RAB30: variants seen among roughly 807,000 people sequenced by gnomAD.
RAB30 encodes the protein RAB30, member RAS oncogene family.
RAB30 carries 9 observed loss-of-function variants against 25.1 expected under a neutral mutation model. That is an observed-to-expected ratio of 0.36 (90% CI 0.22 to 0.63). The LOEUF (loss-of-function observed/expected upper bound fraction) is 0.63. RAB30 is among the 20% of genes least tolerant of loss of function. The pLI, the probability that RAB30 is intolerant of heterozygous loss-of-function variation, is 0.69. For synonymous variants in RAB30, 77 were observed against 86.4 expected, an observed-to-expected ratio of 0.89 and a Z score of 0.60; for missense variants, 140 against 243.5, an observed-to-expected ratio of 0.58 and a Z score of 2.83.
chr11:83,055,800 A>C (rs1275415747), intron 1 of RAB30, among the ~76,000 whole-genome samples: 1 of 152,238 alleles, frequency 6.6e-6, no homozygotes. Flanking sequence ...GTGACCACAC[A>C]TCCTTTGGAG....
chr11:83,071,120 A>T (rs112700232), intron 1 of RAB30, among the ~76,000 whole-genome samples: 436 of 152,328 alleles, frequency 2.9e-3, no homozygotes, highest in African/African-American at 9.5e-3. Flanking sequence ...TGCACCATTA[A>T]AGGACACTGT....
intron 3 of RAB30, among the ~76,000 whole-genome samples, chr11:82,991,506 C>CA (rs35298951): frequency 0.42 from 27,727 of 65,498 alleles, 5,608 homozygotes; most frequent in East Asian, 0.64. Context: ...GACCCTTTCT[C>CA]AAAAAAAAAA....
At chr11:83,036,594 T>C (rs1174981430) in intron 1 of RAB30, among the ~76,000 whole-genome samples, 1 of 152,196 alleles carries the variant, frequency 6.6e-6, no homozygotes, top group Non-Finnish European at 1.5e-5. Context: ...AGGATACAAC[T>C]GTTAACATAA....
At chr11:82,999,587 T>C (rs540839208) in intron 1 of RAB30, among the ~76,000 whole-genome samples, 1 of 152,358 alleles carries the variant, frequency 6.6e-6, no homozygotes, top group South Asian at 2.1e-4. Flanking sequence ...CTGCCAGCTC[T>C]GTCTCCTACC....
chr11:83,002,426 C>T lies in RAB30; in HGVS notation c.-8-5102G>A, dbSNP rs79733275. Among the ~76,000 whole-genome samples the T allele has an allele frequency of 5.9e-3, 898 of 152,190 alleles. 3 individuals carry two copies. Among genetic ancestry groups the T allele is most frequent in the Admixed American group, 0.01 (154 of 15,284 alleles). ...GGCATAGGGAATATAAACAGGAGCA[C>T]AGATGAGCAAGCAAAATCCCCAATA... On this transcript the variant is annotated intron_variant, in intron 1 of 4. Coordinates refer to ENST00000527633, the MANE Select transcript of RAB30 (RefSeq NM_001286060.2).
chr11:83,046,163 G>A (rs1433416481), intron 1 of RAB30, among the ~76,000 whole-genome samples: 1 of 152,132 alleles, frequency 6.6e-6, no homozygotes, highest in African/African-American at 2.4e-5. Flanking sequence ...GAGAGCTAAG[G>A]CTTTGTTGTA....
chr11:83,017,591 C>T (rs112455571), intron 1 of RAB30, among the ~76,000 whole-genome samples: 2,653 of 152,148 alleles, frequency 0.017, 66 homozygotes, highest in African/African-American at 0.054. Flanking sequence ...TTTGCATCCT[C>T]ATAGCTTAGC....
chr11:83,055,301 C>A (rs183678965), intron 1 of RAB30, among the ~76,000 whole-genome samples: 80 of 152,348 alleles, frequency 5.3e-4, no homozygotes, highest in Admixed American at 4.6e-3. Flanking sequence ...CTTCATGAAC[C>A]TGGTTTAGAC....
intron 4 of RAB30, among the ~76,000 whole-genome samples, chr11:82,983,545 C>A (rs1441398661): frequency 6.6e-6 from 1 of 152,134 alleles, no homozygotes; most frequent in Non-Finnish European, 1.5e-5. Flanking sequence ...TCTTCTCCCA[C>A]CTCAGCCTCC....
In RAB30 at chr11:82,974,248, T is replaced by C. The variant is rs1237776139; in HGVS notation, c.*7917A>G. 2 of 152,208 alleles carry C rather than the reference T, an allele frequency of 1.3e-5. No individual in the cohort carries two copies. The highest frequency in any genetic ancestry group is 2.9e-5 in the Non-Finnish European group (2 of 68,024). The allele number at this position is 152,208 out of a possible 1,614,324, so 9.4% of individuals were successfully genotyped here. A position where few individuals can be genotyped will look rare whatever the true frequency, so the allele number is the denominator to read the frequency against. ...TTAATAGGATAAACCGTATGGTGCA[T>C]GAATGATATCTTAATTTTAAAAAGA... On this transcript the variant is annotated 3_prime_UTR_variant, in exon 5 of 5. Transcript: ENST00000527633.
intron 1 of RAB30, among the ~76,000 whole-genome samples, chr11:83,033,479 T>C (rs2121514069): frequency 6.6e-6 from 1 of 152,314 alleles, no homozygotes; most frequent in African/African-American, 2.4e-5. Flanking sequence ...TTTAGGCCAA[T>C]TTCTAATAAC....
intron 1 of RAB30, among the ~76,000 whole-genome samples, chr11:83,000,705 T>C (rs920578862): frequency 6.6e-6 from 1 of 152,132 alleles, no homozygotes; most frequent in African/African-American, 2.4e-5. Flanking sequence ...AACAGGGCTC[T>C]TAAAGAAAGT....
chr11:82,994,298 T>C (rs1856915558), intron 2 of RAB30, among the ~76,000 whole-genome samples, 176 bp from the exon 3 acceptor site: 2 of 151,740 alleles, frequency 1.3e-5, no homozygotes, highest in Non-Finnish European at 2.9e-5. Context: ...ATGTATGTCT[T>C]GAGGGAAAGA....
intron 1 of RAB30, among the ~76,000 whole-genome samples, chr11:83,068,754 C>T (rs1011512723): frequency 2.0e-5 from 3 of 152,178 alleles, no homozygotes; most frequent in Non-Finnish European, 4.4e-5. Flanking sequence ...TCTCCCACTG[C>T]CATCCTGAAT....
At position 82,994,103 on chromosome 11, in the gene RAB30, T is replaced by G. The variant is rs767052105; in HGVS notation, c.113A>C (p.Gln38Pro). The G allele has an allele frequency of 1.2e-6, 2 of 1,610,448 alleles. No individual in the cohort carries two copies. Among genetic ancestry groups the G allele is most frequent in the Non-Finnish European group, 1.7e-6 (2 of 1,176,770 alleles). ...RFTQGLFPPG[Q>P]GATIGVDFMI... is the part of the protein sequence containing the mutation. ...AAAATCAACTCCAATTGTGGCTCCT[T>G]GACCTGGGGGGAAAAGACCCTGAAG... The change falls in exon 3 of 5, where the codon CAA becomes CCA. Residue 38 changes from glutamine (Q) to proline (P), a missense_variant. Coordinates refer to ENST00000527633, the MANE Select transcript of RAB30 (RefSeq NM_001286060.2).
At chr11:83,014,064 T>C (rs902928305) in intron 1 of RAB30, among the ~76,000 whole-genome samples, 3 of 152,126 alleles carry the variant, frequency 2.0e-5, no homozygotes, top group Non-Finnish European at 4.4e-5. Context: ...AGAAGACAAG[T>C]TCCCCCTCTC....
chr11:83,027,185 C>T (rs1185579110), intron 1 of RAB30, among the ~76,000 whole-genome samples: 1 of 152,044 alleles, frequency 6.6e-6, no homozygotes, highest in Non-Finnish European at 1.5e-5. Context: ...ACTAAAATAT[C>T]CATCAAGTGA....
In RAB30 at chr11:82,976,679, A is replaced by G. The variant is rs1856551387; in HGVS notation, c.*5486T>C. ...TCCAAGAAAGTCTCAATCAAACTCA[A>G]ATAGATTTGTCACCATACAGATTTA... On this transcript the variant is annotated 3_prime_UTR_variant, in exon 5 of 5. Coordinates refer to ENST00000527633, the MANE Select transcript of RAB30 (RefSeq NM_001286060.2). The G allele has an allele frequency of 6.6e-6, 1 of 152,174 alleles. No individual in the cohort carries two copies. The highest frequency in any genetic ancestry group is 6.6e-5 in the Admixed American group (1 of 15,266). The allele number at this position is 152,174 out of a possible 1,614,324, so 9.4% of individuals were successfully genotyped here.
intron 1 of RAB30, among the ~76,000 whole-genome samples, chr11:83,066,636 C>T (rs769760506): frequency 2.6e-5 from 4 of 152,278 alleles, no homozygotes; most frequent in East Asian, 1.9e-4. Flanking sequence ...CAGCAGCTTC[C>T]GCCTCCTGGG....
Sources: allele counts gnomAD v4.1 joint callset (sites outside exome capture counted in the v4.1 genomes callset), GRCh38; gene constraint gnomAD v4.1.1; transcripts MANE v1.5; gene names NCBI Gene and HGNC (gene_info 2026-07-23, HGNC 2026-07-21).